Variants in FOXN3 observed in about 807,000 individuals in gnomAD.
FOXN3 encodes the protein forkhead box protein N3.
A neutral mutation model predicts 38.4 loss-of-function variants in FOXN3; 7 were observed. That is an observed-to-expected ratio of 0.18 (90% CI 0.10 to 0.34). The LOEUF is 0.34. Among genes scored for constraint, FOXN3 ranks in the 10% least tolerant of loss-of-function variants. FOXN3 has a pLI of 1.00. For synonymous variants in FOXN3, 230 were observed against 242.2 expected, an observed-to-expected ratio of 0.95 and a Z score of 0.47; for missense variants, 456 against 613.4, an observed-to-expected ratio of 0.74 and a Z score of 2.71.
chr14:89,189,562 G>A (rs576310515), intron 4 of FOXN3, among the ~76,000 whole-genome samples: 1 of 152,368 alleles, frequency 6.6e-6, no homozygotes, highest in African/African-American at 2.4e-5. Context: ...GTGTTCAACA[G>A]GGTTCTAGCT....
intron 1 of FOXN3, among the ~76,000 whole-genome samples, chr14:89,513,922 A>G (rs879829015): frequency 5.9e-5 from 9 of 151,528 alleles, no homozygotes; most frequent in Admixed American, 1.3e-4. Flanking sequence ...ACACACACAC[A>G]CACACACGCA....
At chr14:89,238,134 A>G (rs769179437) in intron 4 of FOXN3, among the ~76,000 whole-genome samples, 1 of 152,196 alleles carries the variant, frequency 6.6e-6, no homozygotes, top group Non-Finnish European at 1.5e-5. Context: ...CCAAATTCCC[A>G]TCCTTGTATA....
At chr14:89,232,454 C>A (rs1223013264) in intron 4 of FOXN3, among the ~76,000 whole-genome samples, 1 of 151,928 alleles carries the variant, frequency 6.6e-6, no homozygotes, top group Non-Finnish European at 1.5e-5. Context: ...TAAACCAGGG[C>A]AAGAAAAAAC....
At chr14:89,584,235 T>G (rs959340909) in intron 1 of FOXN3, among the ~76,000 whole-genome samples, 2 of 151,984 alleles carry the variant, frequency 1.3e-5, no homozygotes, top group Admixed American at 6.6e-5. Flanking sequence ...CCATCTTTAC[T>G]AAAAATATTT....
At chr14:89,504,306 G>T (rs115613832) in intron 1 of FOXN3, among the ~76,000 whole-genome samples, 3 of 152,310 alleles carry the variant, frequency 2.0e-5, no homozygotes, top group African/African-American at 7.2e-5. Flanking sequence ...TTTGCAGGAC[G>T]GCTGCATTGC....
Position 89,383,775 on chromosome 14 carries a change from CTATTTT to C in FOXN3, c.543+28153_543+28158del, listed in dbSNP as rs1349385746. Among the ~76,000 whole-genome samples, 10 of 147,898 alleles carry C rather than the reference CTATTTT, an allele frequency of 6.8e-5. No homozygotes were observed. In the Admixed American group the frequency reaches 7.0e-4, roughly 10 times the overall value. ...TTAACCAATTACATCTGCAAAAACC[CTATTTT>C]TATTTTTATGTATTCATTTTTTTTT... On this transcript the variant is annotated intron_variant, in intron 2 of 5. Transcript: ENST00000557258.
At chr14:89,513,394 TTTTTG>T (rs1035162087) in intron 1 of FOXN3, among the ~76,000 whole-genome samples, 2 of 151,350 alleles carry the variant, frequency 1.3e-5, no homozygotes, top group Admixed American at 6.6e-5. Context: ...CCAGCCAATT[TTTTTG>T]TTTTGTTTTG....
chr14:89,193,394 CAGAA>C (rs903395180), intron 4 of FOXN3, among the ~76,000 whole-genome samples: 2 of 151,962 alleles, frequency 1.3e-5, no homozygotes, highest in Non-Finnish European at 2.9e-5. Flanking sequence ...AGAAAGAAAA[CAGAA>C]AGAGAGAAAG....
At chr14:89,581,358 G>A (rs536645537) in intron 1 of FOXN3, among the ~76,000 whole-genome samples, 39 of 151,840 alleles carry the variant, frequency 2.6e-4, no homozygotes, top group African/African-American at 8.2e-4. Flanking sequence ...GGTGTGTGCC[G>A]GTAATCTCAC....
At chr14:89,203,118 C>T (rs1322527520) in intron 4 of FOXN3, among the ~76,000 whole-genome samples, 2 of 150,910 alleles carry the variant, frequency 1.3e-5, no homozygotes, top group Non-Finnish European at 2.9e-5. Flanking sequence ...GTGAGGAGAA[C>T]ATATTAAAAA....
intron 1 of FOXN3, among the ~76,000 whole-genome samples, chr14:89,416,183 T>A (rs2140101532): frequency 6.6e-6 from 1 of 152,260 alleles, no homozygotes; most frequent in East Asian, 1.9e-4. Flanking sequence ...CAAAAACATT[T>A]CAAGGGGACC....
chr14:89,300,410 G>T (rs1283670454), intron 3 of FOXN3, among the ~76,000 whole-genome samples: 2 of 152,156 alleles, frequency 1.3e-5, no homozygotes, highest in Non-Finnish European at 2.9e-5. Flanking sequence ...TCGAACTCCT[G>T]ACCTCAGGTG....
chr14:89,202,259 T>G (rs1050065718), intron 4 of FOXN3, among the ~76,000 whole-genome samples: 1 of 152,176 alleles, frequency 6.6e-6, no homozygotes, highest in Non-Finnish European at 1.5e-5. Flanking sequence ...ATGGAGCCAG[T>G]GATGTTCCCA....
At chr14:89,518,574 G>T (rs1269136801) in intron 1 of FOXN3, among the ~76,000 whole-genome samples, 5 of 152,190 alleles carry the variant, frequency 3.3e-5, no homozygotes, top group Non-Finnish European at 7.4e-5. Context: ...AACTAAGTTT[G>T]TTTGAAGGGG....
intron 1 of FOXN3, among the ~76,000 whole-genome samples, chr14:89,583,903 T>A (rs149639391): frequency 0.01 from 1,534 of 150,770 alleles, 16 homozygotes; most frequent in Non-Finnish European, 0.014. Flanking sequence ...GTCACCCAGG[T>A]TGGAGTGCAG....
chr14:89,597,754 A>C (rs902319058), intron 1 of FOXN3, among the ~76,000 whole-genome samples: 4 of 152,136 alleles, frequency 2.6e-5, no homozygotes, highest in Non-Finnish European at 4.4e-5. Context: ...TTAGCTATAC[A>C]ATCTTTCTTT....
chr14:89,293,077 C>A (rs1482316535), intron 3 of FOXN3, among the ~76,000 whole-genome samples: 1 of 152,206 alleles, frequency 6.6e-6, no homozygotes. Context: ...CTCTTTTCTT[C>A]TCATGCTCTT....
intron 4 of FOXN3, among the ~76,000 whole-genome samples, chr14:89,246,839 G>A (rs532212568): frequency 2.0e-5 from 3 of 152,172 alleles, no homozygotes; most frequent in East Asian, 3.9e-4. Flanking sequence ...GTGCCCAGCC[G>A]GATGCGGCTT....
intron 3 of FOXN3, among the ~76,000 whole-genome samples, chr14:89,289,503 T>G (rs2139931853): frequency 6.6e-6 from 1 of 152,354 alleles, no homozygotes; most frequent in East Asian, 1.9e-4. Flanking sequence ...AAAGCACTGT[T>G]TCCTCCCATC....
Sources: gnomAD v4.1 joint callset for allele counts (sites outside exome capture counted in the v4.1 genomes callset) on GRCh38, gnomAD v4.1.1 for gene constraint, MANE v1.5 for transcripts, NCBI Gene and HGNC (gene_info 2026-07-23, HGNC 2026-07-21) for gene names.